The following SORCS3 variants were observed in gnomAD, a reference collection of about 807,000 sequenced individuals.
SORCS3 encodes sortilin related VPS10 domain containing receptor 3.
In SORCS3, 57 loss-of-function variants were observed where a neutral mutation model predicts 146.3. The observed-to-expected ratio is 0.39, with a 90% CI of 0.31 to 0.49. The LOEUF is 0.49. SORCS3 is among the 20% of genes least tolerant of loss of function. The probability of loss-of-function intolerance (pLI) is 0.92; values close to 1 mark genes in which losing one functional copy is unlikely to be tolerated. For missense variants in SORCS3, 1,341 were observed against 1,575.5 expected (o/e 0.85, Z 2.52); for synonymous variants, 653 against 618.5 (o/e 1.06, Z -0.83).
At chr10:105,036,958 G>C (rs930584742) in intron 4 of SORCS3, among the ~76,000 whole-genome samples, 2 of 152,144 alleles carry the variant, frequency 1.3e-5, no homozygotes, top group African/African-American at 4.8e-5. Context: ...TTCCTATGAG[G>C]AAAGTTTATT....
chr10:105,140,465 T>G (rs887610592), intron 8 of SORCS3, among the ~76,000 whole-genome samples: 5 of 152,084 alleles, frequency 3.3e-5, no homozygotes, highest in Admixed American at 6.6e-5. Context: ...GATGTTATGT[T>G]CTGGAAAAAA....
intron 1 of SORCS3, among the ~76,000 whole-genome samples, chr10:104,724,671 A>G (rs371255967): frequency 6.6e-6 from 1 of 151,790 alleles, no homozygotes; most frequent in Non-Finnish European, 1.5e-5. Flanking sequence ...GGCTTTGTTC[A>G]TTTCTTTTTA....
At chr10:104,699,659 G>A (rs2016257217) in intron 1 of SORCS3, among the ~76,000 whole-genome samples, 1 of 152,220 alleles carries the variant, frequency 6.6e-6, no homozygotes, top group African/African-American at 2.4e-5. Flanking sequence ...TTGAAGAGCC[G>A]GGTCCTTGTG....
chr10:105,178,884 T>C (rs2056425292), intron 14 of SORCS3, among the ~76,000 whole-genome samples: 2 of 152,130 alleles, frequency 1.3e-5, no homozygotes, highest in African/African-American at 4.8e-5. Flanking sequence ...TTAAGGGATA[T>C]TTGCTACAGT....
intron 4 of SORCS3, among the ~76,000 whole-genome samples, chr10:105,036,929 T>TTA (rs1450013595): frequency 6.6e-6 from 1 of 152,134 alleles, no homozygotes; most frequent in African/African-American, 2.4e-5. Context: ...ATCAGCACAG[T>TTA]TATACATTAA....
chr10:105,089,624 C>A, intron 5 of SORCS3, 151 bp from the exon 6 acceptor site: 1 of 662,962 alleles, frequency 1.5e-6, no homozygotes. Context: ...GTGGGGACTG[C>A]CAGTGGCCAC....
rs1351473262 is a variant in SORCS3, at chr10:104,830,986, T to A, written c.628-11806T>A. On this transcript the variant is annotated intron_variant, in intron 1 of 26. Coordinates refer to ENST00000369701, the MANE Select transcript of SORCS3 (RefSeq NM_014978.3). ...GCCACCATGCCCAGCTAATTTTTTT[T>A]AATTATTATTATTTTTTTTGGTAGA... 6.6e-5 allele frequency among the ~76,000 whole-genome samples: 10 copies of A among 151,928 alleles called. No individual in the cohort carries two copies. In the East Asian group the frequency reaches 1.2e-3, roughly 18 times the overall value.
At chr10:104,838,734 G>A (rs182344107) in intron 1 of SORCS3, among the ~76,000 whole-genome samples, 11 of 152,308 alleles carry the variant, frequency 7.2e-5, no homozygotes, top group Admixed American at 4.6e-4. Context: ...TGTCACTGTA[G>A]CATAGAGGTG....
intron 4 of SORCS3, among the ~76,000 whole-genome samples, chr10:105,025,960 A>G (rs1042248502): frequency 6.6e-6 from 1 of 151,976 alleles, no homozygotes; most frequent in African/African-American, 2.4e-5. Context: ...ACAGTAAGTG[A>G]CACCCCTTTC....
At chr10:104,956,355 A>G (rs528470637) in intron 3 of SORCS3, among the ~76,000 whole-genome samples, 2 of 152,196 alleles carry the variant, frequency 1.3e-5, no homozygotes, top group Admixed American at 1.3e-4. Context: ...CAGCCTTTAC[A>G]TTGTTGTTTT....
intron 9 of SORCS3, among the ~76,000 whole-genome samples, chr10:105,151,641 A>G (rs999525230): frequency 1.3e-5 from 2 of 152,076 alleles, no homozygotes; most frequent in Non-Finnish European, 2.9e-5. Context: ...CAAAGAAAGC[A>G]AGAACTTATT....
chr10:104,936,985 T>C (rs1220133572), intron 3 of SORCS3, among the ~76,000 whole-genome samples: 1 of 152,188 alleles, frequency 6.6e-6, no homozygotes, highest in African/African-American at 2.4e-5. Context: ...GTCCCCAACC[T>C]TTTTGGTACC....
intron 14 of SORCS3, among the ~76,000 whole-genome samples, chr10:105,185,461 C>T (rs1327037205): frequency 2.6e-5 from 4 of 152,206 alleles, no homozygotes; most frequent in African/African-American, 4.8e-5. Flanking sequence ...CTGGTGTACA[C>T]ATGTCCTCTC....
At chr10:104,726,885 A>G (rs189101926) in intron 1 of SORCS3, among the ~76,000 whole-genome samples, 249 of 152,226 alleles carry the variant, frequency 1.6e-3, no homozygotes, top group Middle Eastern at 3.4e-3. Context: ...TTGGGATGCA[A>G]GACTTCCAGT....
At chr10:105,258,960 T>C (rs1485576055) in intron 25 of SORCS3, among the ~76,000 whole-genome samples, 1 of 152,194 alleles carries the variant, frequency 6.6e-6, no homozygotes, top group African/African-American at 2.4e-5. Context: ...AGCCCTTTGG[T>C]TGAAATTCTG....
At chr10:104,977,765 C>T (rs1235331683) in intron 4 of SORCS3, among the ~76,000 whole-genome samples, 1 of 140,056 alleles carries the variant, frequency 7.1e-6, no homozygotes, top group Non-Finnish European at 1.5e-5. Flanking sequence ...CAGAGTCTCG[C>T]TCTTTCACCA....
intron 2 of SORCS3, among the ~76,000 whole-genome samples, chr10:104,891,572 T>C (rs1053978227): frequency 3.9e-5 from 6 of 152,150 alleles, no homozygotes; most frequent in African/African-American, 1.4e-4. Context: ...CTGAATTTGT[T>C]TACTGTCTCT....
chr10:104,663,079 C>T (rs1480555531), intron 1 of SORCS3, among the ~76,000 whole-genome samples: 1 of 152,182 alleles, frequency 6.6e-6, no homozygotes, highest in Non-Finnish European at 1.5e-5. Context: ...CTGGGAGCTG[C>T]CGGCTGCCTT....
At chr10:104,940,204 T>TTATATATATATATATATATATATATA (rs71022748) in intron 3 of SORCS3, among the ~76,000 whole-genome samples, 4 of 53,016 alleles carry the variant, frequency 7.5e-5, no homozygotes, top group Admixed American at 2.7e-4. Context: ...TCCTTTTCTT[T>TTATATATATATATATATATATATATA]TATATATATA....
Sources: gnomAD v4.1 joint callset for allele counts (sites outside exome capture counted in the v4.1 genomes callset) on GRCh38, gnomAD v4.1.1 for gene constraint, MANE v1.5 for transcripts, NCBI Gene and HGNC (gene_info 2026-07-23, HGNC 2026-07-21) for gene names.